The following HK1 variants were observed in gnomAD, a reference collection of about 807,000 sequenced individuals.
The protein encoded by HK1 is hexokinase-1.
HK1 carries 28 observed loss-of-function variants against 91.6 expected under a neutral mutation model. That is an observed-to-expected ratio of 0.31 (90% CI 0.23 to 0.42). HK1 has a LOEUF of 0.42. Ranked by LOEUF, HK1 falls within the 10% of genes least tolerant of loss-of-function variation. HK1 has a pLI of 1.00. For synonymous variants in HK1, 430 were observed against 468.1 expected (o/e 0.92, Z 1.05); for missense variants, 770 against 1,219.8 (o/e 0.63, Z 5.49).
intron 3 of HK1, among the ~76,000 whole-genome samples, chr10:69,363,621 C>T (rs1221092559): frequency 6.6e-6 from 1 of 152,170 alleles, no homozygotes; most frequent in African/African-American, 2.4e-5. Flanking sequence ...TCAAGTGATC[C>T]TCCTGCCTTG....
At chr10:69,336,115 T>G (rs1847966588) in intron 1 of HK1, among the ~76,000 whole-genome samples, 1 of 152,228 alleles carries the variant, frequency 6.6e-6, no homozygotes, top group Non-Finnish European at 1.5e-5. Flanking sequence ...GGGGAAGAAT[T>G]AATAATTTTT....
At chr10:69,396,357 C>T (rs1027413736) in intron 16 of HK1, among the ~76,000 whole-genome samples, 1 of 151,942 alleles carries the variant, frequency 6.6e-6, no homozygotes, top group African/African-American at 2.4e-5. Context: ...ACTGCTCTTA[C>T]CCAGGCAAAA....
intron 1 of HK1, among the ~76,000 whole-genome samples, chr10:69,279,669 A>G (rs1312185294): frequency 6.6e-6 from 1 of 152,244 alleles, no homozygotes; most frequent in East Asian, 1.9e-4. Flanking sequence ...TTAAATATGT[A>G]GTCCAAAAAT....
intron 1 of HK1, among the ~76,000 whole-genome samples, chr10:69,328,743 T>C (rs568887449): frequency 4.6e-5 from 7 of 152,356 alleles, no homozygotes; most frequent in African/African-American, 1.7e-4. Flanking sequence ...CACCATCTAA[T>C]TCCAGAATAT....
intron 2 of HK1, among the ~76,000 whole-genome samples, chr10:69,349,535 G>C (rs963581991): frequency 6.6e-6 from 1 of 152,216 alleles, no homozygotes; most frequent in African/African-American, 2.4e-5. Context: ...CTGCAGGAAG[G>C]ATGCAGAGTT....
intron 2 of HK1, among the ~76,000 whole-genome samples, chr10:69,344,696 C>T (rs1465928110): frequency 1.3e-5 from 2 of 152,238 alleles, no homozygotes; most frequent in African/African-American, 2.4e-5. Context: ...TCAGCCCCTG[C>T]ACCTGGCTGA....
rs758557833 is a variant in HK1, at chr10:69,338,692, TG to T, written c.64-5134del. ...TTATGGAGATGTGAGTGTGTGTGTGTGTGTGTGTGTGTGTGTGTAAGTACTT... is the reference window on the plus strand; with the variant it reads ...TTATGGAGATGTGAGTGTGTGTGTGTTGTGTGTGTGTGTGTGTAAGTACTT... On this transcript the variant is annotated intron_variant, in intron 1 of 17. Transcript: ENST00000359426. 8.2e-5 allele frequency: 100 copies of T among 1,225,564 alleles called. No individual in the cohort carries two copies. In the South Asian group the frequency reaches 1.3e-3, roughly 17 times the overall value. 75.9% of individuals were successfully genotyped at this position (1,225,564 alleles called of 1,614,324 possible).
In HK1 at chr10:69,378,417, G is replaced by GTCTT. The variant is rs535293612; in HGVS notation, c.1031+1329_1031+1332dup. Among the ~76,000 whole-genome samples, 15 of 152,226 alleles carry GTCTT rather than the reference G, an allele frequency of 9.9e-5. No individual in the cohort carries two copies. The South Asian group carries it at 2.3e-3, about 23-fold the overall frequency. On this transcript the variant is annotated intron_variant, in intron 8 of 17. Transcript: ENST00000359426. ...AGTTTCTATTTGGCATCGTACTGGA[G>GTCTT]TCTTAGCCAGTGGGTTTTCGTTTTT...
At chr10:69,281,300 T>C (rs1161908179) in intron 1 of HK1, among the ~76,000 whole-genome samples, 1 of 152,190 alleles carries the variant, frequency 6.6e-6, no homozygotes, top group African/African-American at 2.4e-5. Flanking sequence ...TTGTTACTGG[T>C]GCAGGGACCA....
At chr10:69,302,280 G>C in intron 5 of HK1, among the ~76,000 whole-genome samples, 1 of 151,348 alleles carries the variant, frequency 6.6e-6, no homozygotes, top group East Asian at 1.9e-4. Flanking sequence ...TAAAGCTACA[G>C]TAATCAAGAC....
At chr10:69,271,000 T>C (rs1332689657) in intron 1 of HK1, 1 of 152,236 alleles carries the variant, frequency 6.6e-6, no homozygotes, top group African/African-American at 2.4e-5. Context: ...TCGATCCTTA[T>C]ACACAGAAGA....
At chr10:69,383,185 G>A (rs181944076) in intron 10 of HK1, among the ~76,000 whole-genome samples, 4 of 152,110 alleles carry the variant, frequency 2.6e-5, no homozygotes, top group African/African-American at 4.8e-5. Flanking sequence ...AAAATTAAAT[G>A]AATAAAAAAG....
At chr10:69,328,992 C>T (rs1319147784) in intron 1 of HK1, among the ~76,000 whole-genome samples, 1 of 152,176 alleles carries the variant, frequency 6.6e-6, no homozygotes, top group Non-Finnish European at 1.5e-5. Context: ...GCACTTCATT[C>T]CTTTTTATTG....
intron 2 of HK1, chr10:69,288,620 G>A (rs933109130): frequency 2.3e-6 from 2 of 883,646 alleles, no homozygotes; most frequent in Non-Finnish European, 3.9e-6. Flanking sequence ...GGACAAAAAT[G>A]AGACCGACAA....
chr10:69,356,882 C>CAAAAA (rs778360296), intron 2 of HK1, among the ~76,000 whole-genome samples: 37 of 61,960 alleles, frequency 6.0e-4, no homozygotes, highest in African/African-American at 1.7e-3. Context: ...AACTCCATCT[C>CAAAAA]AAAAAAAAAA....
At chr10:69,271,216 C>G (rs1844142325) in intron 1 of HK1, 1 of 152,004 alleles carries the variant, frequency 6.6e-6, no homozygotes, top group Non-Finnish European at 1.5e-5. Context: ...AGATCAGGAA[C>G]TCTCAACCTT....
At chr10:69,295,065 A>AT (rs1589446168) in intron 3 of HK1, among the ~76,000 whole-genome samples, 1 of 152,002 alleles carries the variant, frequency 6.6e-6, no homozygotes, top group Non-Finnish European at 1.5e-5. Flanking sequence ...AAAAAAAAAA[A>AT]AAAATAGCGA....
chr10:69,298,069 G>C (rs1484330121), intron 4 of HK1, among the ~76,000 whole-genome samples: 2 of 150,932 alleles, frequency 1.3e-5, no homozygotes, highest in Non-Finnish European at 2.9e-5. Context: ...AAATTAGCCA[G>C]GCGTGGTGGC....
intron 2 of HK1, among the ~76,000 whole-genome samples, chr10:69,357,704 C>T (rs1849201240): frequency 6.6e-6 from 1 of 152,144 alleles, no homozygotes; most frequent in South Asian, 2.1e-4. Flanking sequence ...CCACCTGCCT[C>T]AGCCTCCCAA....
Sources: gnomAD v4.1 joint callset for allele counts (sites outside exome capture counted in the v4.1 genomes callset) on GRCh38, gnomAD v4.1.1 for gene constraint, MANE v1.5 for transcripts, NCBI Gene and HGNC (gene_info 2026-07-23, HGNC 2026-07-21) for gene names.